MEFV: variants seen among roughly 807,000 people sequenced by gnomAD.
MEFV encodes pyrin.
MEFV carries 60 observed loss-of-function variants against 62.5 expected under a neutral mutation model. The observed-to-expected ratio is 0.96, with a 90% CI of 0.78 to 1.19. The LOEUF (loss-of-function observed/expected upper bound fraction) is 1.19. Among genes scored for constraint, MEFV ranks in the 50% most tolerant of loss-of-function variants. The probability of loss-of-function intolerance (pLI) is 0.00; values close to 1 mark genes in which losing one functional copy is unlikely to be tolerated. For missense variants in MEFV, 1,169 were observed against 1,004.5 expected, an observed-to-expected ratio of 1.16 and a Z score of -2.21; for synonymous variants, 500 against 415.2, an observed-to-expected ratio of 1.20 and a Z score of -2.48.
chr16:3,246,591 T>C, intron 5 of MEFV, 44 bp from the exon 6 acceptor site: 1 of 1,611,898 alleles, frequency 6.2e-7, no homozygotes, highest in South Asian at 1.1e-5. Flanking sequence ...AGGCTCCTAG[T>C]GGCTGGGCTG....
In MEFV at chr16:3,243,878, C is replaced by A; in HGVS notation, c.1774G>T (p.Gly592Cys). ...CACTTACCAGCATGTGCCTGAGCGC[C>A]AATCAGCTCCGGAACTACGGAGAAA... ...MEMFNVPELI[G>C]AQAHAVNVIL... is the part of the protein sequence containing the mutation. The change falls in exon 9 of 10, where the codon GGC (glycine) becomes TGC (cysteine). Residue 592 changes from glycine to cysteine, a missense_variant. By Grantham distance (159) the Gly-to-Cys change is radical. Coordinates refer to ENST00000219596, the MANE Select transcript of MEFV (RefSeq NM_000243.3). 6.2e-7 allele frequency: 1 copy of A among 1,613,876 alleles called. No homozygotes were observed. The highest frequency in any genetic ancestry group is 8.5e-7 in the Non-Finnish European group (1 of 1,180,004).
Position 3,249,102 on chromosome 16 carries a change from C to G in MEFV, c.1261-98G>C, listed in dbSNP as rs1192119608. The stretch of plus-strand genomic sequence containing the variant: ...GGAACATCTCCTTCTGGTAGCAAGG[C>G]TGAGGGTGCTGCTGCCAGCGGCATG... On this transcript the variant is annotated intron_variant, in intron 3 of 9. Coordinates refer to ENST00000219596, the MANE Select transcript of MEFV (RefSeq NM_000243.3). The G allele has an allele frequency of 4.9e-6, 6 of 1,229,382 alleles. No homozygotes were observed. The Admixed American group carries it at 1.0e-4, about 21-fold the overall frequency. 76.2% of individuals were successfully genotyped at this position (1,229,382 alleles called of 1,614,324 possible). A position where few individuals can be genotyped will look rare whatever the true frequency, so the allele number is the denominator to read the frequency against.
Position 3,256,429 on chromosome 16 carries a change from C to T in MEFV, c.159G>A (p.Met53Ile). ...SQIQRARPVKMATLLVTYYGE... is the reference protein window; with the variant it reads ...SQIQRARPVKIATLLVTYYGE... ...CATAGTAGGTGACCAGCAGAGTGGC[C>T]ATCTTCACCGGCCTGGCTCTCTGGA... The change falls in exon 1 of 10, where the codon ATG becomes ATA. Residue 53 changes from methionine to isoleucine, a missense_variant. Met to Ile is a conservative substitution (Grantham distance 10). Transcript: ENST00000219596. 1 of 1,614,222 alleles carries T rather than the reference C, an allele frequency of 6.2e-7. No individual in the cohort carries two copies. The highest frequency in any genetic ancestry group is 8.5e-7 in the Non-Finnish European group (1 of 1,180,042).
intron 4 of MEFV, chr16:3,248,525 G>T (rs1213078135): frequency 7.3e-6 from 2 of 274,300 alleles, no homozygotes; most frequent in Middle Eastern, 8.7e-4. Context: ...GGGAGGCAGA[G>T]GTTGCAGTGA....
chr16:3,252,466 C>T (rs992909998), intron 2 of MEFV, among the ~76,000 whole-genome samples: 4 of 151,808 alleles, frequency 2.6e-5, no homozygotes, highest in Non-Finnish European at 5.9e-5. Context: ...GTAGAGATGG[C>T]GTTTCACCAT....
At chr16:3,248,185 G>A (rs1434172736) in intron 4 of MEFV, among the ~76,000 whole-genome samples, 7 of 152,068 alleles carry the variant, frequency 4.6e-5, no homozygotes, top group South Asian at 2.1e-4. Flanking sequence ...CTTGAACCTC[G>A]GAGGTGGAGG....
chr16:3,244,432 A>G, intron 7 of MEFV, 41 bp downstream of exon 7: 2 of 1,597,732 alleles, frequency 1.3e-6, no homozygotes, highest in Non-Finnish European at 1.7e-6. Context: ...CTTAGGGAGG[A>G]AGTGAGCATG....
chr16:3,247,711 A>G (rs1437238486), intron 4 of MEFV: 1 of 174,640 alleles, frequency 5.7e-6, no homozygotes, highest in Non-Finnish European at 1.2e-5. Flanking sequence ...AGTTGGGCAG[A>G]TCACTTGAGA....
At chr16:3,249,237 T>G (rs889222916) in intron 3 of MEFV, among the ~76,000 whole-genome samples, 194 bp downstream of exon 3, 8 of 152,138 alleles carry the variant, frequency 5.3e-5, no homozygotes, top group South Asian at 4.1e-4. Flanking sequence ...TGAAGCCAGC[T>G]CCCCCTGGAT....
chr16:3,247,102 G>A lies in MEFV; in HGVS notation c.1501C>T (p.Arg501Cys), dbSNP rs104895101. 6.8e-6 allele frequency: 11 copies of A among 1,614,046 alleles called. No homozygotes were observed. The Admixed American group carries it at 8.3e-5, about 12-fold the overall frequency. ...VGQIRKAYDT[R>C]VSQDIALLDA... ...AGCAGGGCGATGTCCTGGGATACGCGGGTGTCATATGCCTTCCTGATCTGC... is the reference window on the plus strand; with the variant it reads ...AGCAGGGCGATGTCCTGGGATACGCAGGTGTCATATGCCTTCCTGATCTGC... Residue 501 changes from arginine (R) to cysteine (C), a missense_variant, in exon 5 of 10, where the codon CGC becomes TGC. Arg to Cys is a radical substitution (Grantham distance 180). Transcript: ENST00000219596.
Position 3,243,064 on chromosome 16 carries a change from G to C in MEFV, c.*77C>G. 6.6e-7 allele frequency: 1 copy of C among 1,510,644 alleles called. No homozygotes were observed. Among genetic ancestry groups the C allele is most frequent in the South Asian group, 1.1e-5 (1 of 88,418 alleles). The allele number at this position is 1,510,644 out of a possible 1,614,324, so 93.6% of individuals were successfully genotyped here. ...CATTTCCCATAGCAGCTAGCACCTAGTCGGCATTCCGTGACTATTGAGTGT... is the reference window on the plus strand; with the variant it reads ...CATTTCCCATAGCAGCTAGCACCTACTCGGCATTCCGTGACTATTGAGTGT... On this transcript the variant is annotated 3_prime_UTR_variant, in exon 10 of 10. Coordinates refer to ENST00000219596, the MANE Select transcript of MEFV (RefSeq NM_000243.3).
intron 2 of MEFV, 103 bp downstream of exon 2, chr16:3,254,055 G>A (rs1479304126): frequency 1.6e-5 from 21 of 1,328,460 alleles, no homozygotes; most frequent in South Asian, 2.5e-5. Flanking sequence ...CAATCCTCCC[G>A]CCCTGGCCTC....
At chr16:3,253,266 G>A (rs1053188544) in intron 2 of MEFV, among the ~76,000 whole-genome samples, 4 of 152,036 alleles carry the variant, frequency 2.6e-5, no homozygotes, top group African/African-American at 9.7e-5. Context: ...TCCCCTAAAA[G>A]AAGATGGCCA....
At chr16:3,247,297 T>C in intron 4 of MEFV, 51 bp from the exon 5 acceptor site, 1 of 1,568,764 alleles carries the variant, frequency 6.4e-7, no homozygotes, top group South Asian at 1.1e-5. Context: ...TGGGTGGACG[T>C]GGATGTCCAG....
Position 3,243,547 on chromosome 16 carries a change from C to T in MEFV, c.1940G>A (p.Ser647Asn). 1 of 1,613,670 alleles carries T rather than the reference C, an allele frequency of 6.2e-7. No homozygotes were observed. The change falls in exon 10 of 10, where the codon AGT becomes AAT. Residue 647 changes from serine (S) to asparagine (N), a missense_variant. By Grantham distance (46) the Ser-to-Asn change is conservative. Coordinates refer to ENST00000219596, the MANE Select transcript of MEFV (RefSeq NM_000243.3). ...CCAGTAACGGCGGCCAGAGAGGAAACTCGGAGAGCCCAGAACAATGATACA... is the reference window on the plus strand; with the variant it reads ...CCAGTAACGGCGGCCAGAGAGGAAATTCGGAGAGCCCAGAACAATGATACA... ...DSCIIVLGSPSFLSGRRYWEV... is the reference protein window; with the variant it reads ...DSCIIVLGSPNFLSGRRYWEV...
At chr16:3,250,359 A>T (rs1959013779) in intron 2 of MEFV, among the ~76,000 whole-genome samples, 1 of 152,238 alleles carries the variant, frequency 6.6e-6, no homozygotes, top group African/African-American at 2.4e-5. Context: ...CTATAATCCC[A>T]GTGCTTTGGG....
Position 3,244,568 on chromosome 16 carries a change from G to C in MEFV, c.1631C>G (p.Pro544Arg). 1 of 1,613,958 alleles carries C rather than the reference G, an allele frequency of 6.2e-7. No homozygotes were observed. Among genetic ancestry groups the C allele is most frequent in the Non-Finnish European group, 8.5e-7 (1 of 1,179,958 alleles). Residue 544 changes from proline to arginine, a missense_variant, in exon 7 of 10, where the codon CCT becomes CGT. Pro to Arg is a moderately radical substitution (Grantham distance 103). Transcript: ENST00000219596. ...ILHRAKTVPVPEKWTTPQEIK... is the reference protein window; with the variant it reads ...ILHRAKTVPVREKWTTPQEIK... The stretch of plus-strand genomic sequence containing the variant: ...CTCTTGAGGAGTGGTCCACTTTTCA[G>C]GGACAGGCACTGTCTTAGCCCTAGA...
intron 3 of MEFV, 57 bp from the exon 4 acceptor site, chr16:3,249,061 G>C: frequency 1.3e-6 from 2 of 1,542,068 alleles, no homozygotes; most frequent in Non-Finnish European, 1.8e-6. Context: ...TCTTTAGCTG[G>C]TGCCAACTCT....
rs1258882300 is a variant in MEFV at position 3,242,949 on chromosome 16, C to T, written c.*192G>A. 2 of 654,828 alleles carry T rather than the reference C, an allele frequency of 3.1e-6. No homozygotes were observed. The highest frequency in any genetic ancestry group is 1.8e-5 in the African/African-American group (1 of 55,924). 40.6% of individuals were successfully genotyped at this position (654,828 alleles called of 1,614,324 possible). The stretch of plus-strand genomic sequence containing the variant: ...ATGGTGTGTCATCAGTACATGTCTT[C>T]ACCCGGATTGACTAACATGTTCGTT... On this transcript the variant is annotated 3_prime_UTR_variant, in exon 10 of 10. Transcript: ENST00000219596.
Sources: gnomAD v4.1 joint callset for allele counts (sites outside exome capture counted in the v4.1 genomes callset) on GRCh38, gnomAD v4.1.1 for gene constraint, MANE v1.5 for transcripts, NCBI Gene and HGNC (gene_info 2026-07-23, HGNC 2026-07-21) for gene names.